Variants in RPS10 observed in about 807,000 individuals in gnomAD.
RPS10 encodes the protein ribosomal protein S10.
In RPS10, 2 loss-of-function variants were observed where a neutral mutation model predicts 22.6. The ratio of observed to expected loss-of-function variants is 0.09; its 90% CI spans 0.04 to 0.28. The LOEUF is 0.28. Among genes scored for constraint, RPS10 ranks in the 10% least tolerant of loss-of-function variants. RPS10 has a pLI of 1.00. For synonymous variants in RPS10, 70 were observed against 75.9 expected, an observed-to-expected ratio of 0.92 and a Z score of 0.40; for missense variants, 137 against 222.2, an observed-to-expected ratio of 0.62 and a Z score of 2.44.
chr6:34,423,551 C>T (rs1765840335), intron 3 of RPS10, among the ~76,000 whole-genome samples: 1 of 152,002 alleles, frequency 6.6e-6, no homozygotes, highest in Admixed American at 6.6e-5. Flanking sequence ...TTTTTTTCTC[C>T]CAGGAGATTC....
rs188326835 is a variant in RPS10, at chr6:34,423,314, T to A, written c.322+1355A>T. Among the ~76,000 whole-genome samples the A allele has an allele frequency of 4.6e-5, 7 of 152,226 alleles. No homozygotes were observed. The East Asian group carries it at 1.4e-3, about 30-fold the overall frequency. ...ACCATGCCTGGCTAATTTATTTTTT[T>A]GTAGACGGAGTCTCACTATACTGCC... On this transcript the variant is annotated intron_variant, in intron 3 of 5. Coordinates refer to ENST00000648437, the MANE Select transcript of RPS10 (RefSeq NM_001014.5).
chr6:34,423,538 G>C (rs1417740954), intron 3 of RPS10, among the ~76,000 whole-genome samples: 1 of 152,160 alleles, frequency 6.6e-6, no homozygotes, highest in Non-Finnish European at 1.5e-5. Context: ...ATAGGCACTG[G>C]TATTTTTTTC....
chr6:34,418,926 G>C lies in RPS10; in HGVS notation c.401-502C>G, dbSNP rs544694789. On this transcript the variant is annotated intron_variant, in intron 4 of 5. Transcript: ENST00000648437. Reference sequence around the variant, plus strand: ...GTCTTACTCTGTCACCCAGGATGGAGTGCAGTGGTACGATCTCAGCTCACT... The same window carrying C: ...GTCTTACTCTGTCACCCAGGATGGACTGCAGTGGTACGATCTCAGCTCACT... Among the ~76,000 whole-genome samples the C allele has an allele frequency of 1.1e-4, 17 of 152,072 alleles. No individual in the cohort carries two copies. The South Asian group carries it at 3.5e-3, about 31-fold the overall frequency.
chr6:34,418,542 T>C, intron 4 of RPS10, 118 bp from the exon 5 acceptor site: 4 of 1,486,750 alleles, frequency 2.7e-6, no homozygotes, highest in South Asian at 2.4e-5. Flanking sequence ...CCGTTAAATA[T>C]AAGCAAATTA....
chr6:34,419,803 C>T (rs1009451522), intron 4 of RPS10, among the ~76,000 whole-genome samples: 1 of 152,146 alleles, frequency 6.6e-6, no homozygotes, highest in Admixed American at 6.5e-5. Context: ...GTCTCAAACT[C>T]CTGACCTCAG....
Position 34,426,054 on chromosome 6 carries a change from A to C in RPS10, c.-23T>G, listed in dbSNP as rs1020102005. On this transcript the variant is annotated 5_prime_UTR_variant, in exon 1 of 6. Transcript: ENST00000648437. ...CACCTCTGCGGCTGCAGGGTCCGGT[A>C]CCGGGGCTGGAAAGGAAGGAGCATG... is the stretch of plus-strand genomic sequence containing the variant. 6.6e-6 allele frequency: 1 copy of C among 152,384 alleles called. No homozygotes were observed. Among genetic ancestry groups the C allele is most frequent in the African/African-American group, 2.4e-5 (1 of 41,458 alleles). The allele number at this position is 152,384 out of a possible 1,614,324, so 9.4% of individuals were successfully genotyped here.
chr6:34,419,615 T>C (rs1201167812), intron 4 of RPS10, among the ~76,000 whole-genome samples: 1 of 151,938 alleles, frequency 6.6e-6, no homozygotes, highest in East Asian at 1.9e-4. Flanking sequence ...CTCACTCTTG[T>C]CCCTGAGGCT....
chr6:34,419,898 C>G (rs909494560), intron 4 of RPS10, among the ~76,000 whole-genome samples: 2 of 151,724 alleles, frequency 1.3e-5, no homozygotes, highest in African/African-American at 4.8e-5. Context: ...TGAGTTGGTG[C>G]GGGGGGCAGG....
intron 4 of RPS10, among the ~76,000 whole-genome samples, chr6:34,420,850 C>CA (rs912577764): frequency 3.3e-5 from 5 of 150,604 alleles, no homozygotes; most frequent in East Asian, 2.0e-4. Flanking sequence ...ACTAAAAATA[C>CA]AAAAAAAATT....
At chr6:34,425,535 T>G (rs923115736) in intron 1 of RPS10, 5 of 365,360 alleles carry the variant, frequency 1.4e-5, no homozygotes, top group African/African-American at 1.1e-4. Context: ...TCGGGAGCAG[T>G]TGGAGGCCAT....
Position 34,417,899 on chromosome 6 carries a change from T to C in RPS10, c.457-352A>G, listed in dbSNP as rs190411459. Reference sequence around the variant, plus strand: ...AGAGCAATCGTGTGCTATGAGGACCTGCCATAGGACAAAAATGATATGCCA... The same window carrying C: ...AGAGCAATCGTGTGCTATGAGGACCCGCCATAGGACAAAAATGATATGCCA... On this transcript the variant is annotated intron_variant, in intron 5 of 5. Transcript: ENST00000648437. The C allele has an allele frequency of 5.9e-3, 4,273 of 718,470 alleles. 49 individuals are homozygous for C. Among genetic ancestry groups the C allele is most frequent in the Non-Finnish European group, 4.7e-3 (1,816 of 385,784 alleles). The allele number at this position is 718,470 out of a possible 1,614,324, so 44.5% of individuals were successfully genotyped here. A position where few individuals can be genotyped will look rare whatever the true frequency, so the allele number is the denominator to read the frequency against.
In RPS10 at chr6:34,425,229, A is replaced by T; in HGVS notation, c.1-8T>A. The stretch of plus-strand genomic sequence containing the variant: ...CTTCTTAGGCATCAACATCTGCAAG[A>T]AGGAGACGATTGTCAAGAGCACTTC... On this transcript the variant is annotated splice_region_variant and splice_polypyrimidine_tract_variant and intron_variant, in intron 1 of 5. Coordinates refer to ENST00000648437, the MANE Select transcript of RPS10 (RefSeq NM_001014.5). 1 of 1,604,098 alleles carries T rather than the reference A, an allele frequency of 6.2e-7. No individual in the cohort carries two copies. The highest frequency in any genetic ancestry group is 8.5e-7 in the Non-Finnish European group (1 of 1,175,426).
At chr6:34,425,021 ATGGGATCCCGGGG>A (rs1283497911) in intron 2 of RPS10, 38 bp downstream of exon 2, 12 of 1,603,534 alleles carry the variant, frequency 7.5e-6, no homozygotes, top group Non-Finnish European at 1.0e-5. Context: ...CCATCCCGGG[ATGGGATCCCGGGG>A]AGGAAGATCC....
At chr6:34,420,320 A>G (rs1224427530) in intron 4 of RPS10, among the ~76,000 whole-genome samples, 1 of 152,028 alleles carries the variant, frequency 6.6e-6, no homozygotes, top group Non-Finnish European at 1.5e-5. Context: ...GGTTCAAGCA[A>G]TTCTCCCGCC....
chr6:34,424,644 G>A (rs1210141203), intron 3 of RPS10, 25 bp downstream of exon 3: 1 of 1,613,816 alleles, frequency 6.2e-7, no homozygotes, highest in Admixed American at 1.7e-5. Context: ...TCAAATAGCT[G>A]AAGGGATTTG....
At chr6:34,424,207 TCTC>T (rs1297650410) in intron 3 of RPS10, 1 of 136,892 alleles carries the variant, frequency 7.3e-6, no homozygotes, top group Non-Finnish European at 1.5e-5. Flanking sequence ...AGAAGATAAT[TCTC>T]CTCACACCAC....
chr6:34,420,261 G>C (rs1348704895), intron 4 of RPS10, among the ~76,000 whole-genome samples: 1 of 152,076 alleles, frequency 6.6e-6, no homozygotes, highest in East Asian at 1.9e-4. Flanking sequence ...TGTTGCCCAG[G>C]GTGGAGTGCA....
chr6:34,424,879 A>G (rs1765900397), intron 2 of RPS10, 39 bp from the exon 3 acceptor site: 2 of 1,613,380 alleles, frequency 1.2e-6, no homozygotes, highest in Non-Finnish European at 1.7e-6. Flanking sequence ...GTTAAGTAGA[A>G]GCTTGGATCA....
rs1450571565 is a variant in RPS10, at chr6:34,417,533, A to T, written c.471T>A (p.Gly157=). ...ATEFQFRGGF[G]RGRGQPPQ Reference sequence around the variant, plus strand: ...ACTGAGGTGGCTGACCACGTCCACGACCAAATCCGCCTCTCTGTAAGAGAA... The same window carrying T: ...ACTGAGGTGGCTGACCACGTCCACGTCCAAATCCGCCTCTCTGTAAGAGAA... The change falls in exon 6 of 6, where the codon GGT becomes GGA. Residue 157 remains glycine (G), a synonymous_variant. Transcript: ENST00000648437. The T allele has an allele frequency of 5.6e-6, 9 of 1,613,080 alleles. No homozygotes were observed. The highest frequency in any genetic ancestry group is 4.4e-5 in the South Asian group (4 of 91,038).
Sources: allele counts gnomAD v4.1 joint callset (sites outside exome capture counted in the v4.1 genomes callset), GRCh38; gene constraint gnomAD v4.1.1; transcripts MANE v1.5; gene names NCBI Gene and HGNC (gene_info 2026-07-23, HGNC 2026-07-21).